TENM2: variants seen among roughly 807,000 people sequenced by gnomAD.
The protein encoded by TENM2 is teneurin transmembrane protein 2, also known as teneurin-2.
Under a neutral mutation model 245.2 loss-of-function variants are expected in TENM2, and 52 were observed. That is an observed-to-expected ratio of 0.21 (90% confidence interval 0.17 to 0.27). The LOEUF (loss-of-function observed/expected upper bound fraction) is 0.27, where lower values mean the gene tolerates loss of function less well. Ranked by LOEUF, TENM2 falls within the 10% of genes least tolerant of loss-of-function variation. The pLI is 1.00. For missense variants in TENM2, 3,046 were observed against 3,666.8 expected (o/e 0.83, Z 4.37); for synonymous variants, 1,363 against 1,438.9 (o/e 0.95, Z 1.19).
chr5:167,944,736 T>C (rs1396833742), intron 3 of TENM2, among the ~76,000 whole-genome samples: 2 of 152,188 alleles, frequency 1.3e-5, no homozygotes, highest in Non-Finnish European at 2.9e-5. Flanking sequence ...GTGATGAAAA[T>C]GTTCTAAAAT....
At chr5:167,353,137 A>ATC (rs1269129204) in intron 1 of TENM2, among the ~76,000 whole-genome samples, 2 of 152,194 alleles carry the variant, frequency 1.3e-5, no homozygotes, top group Admixed American at 1.3e-4. Flanking sequence ...CATGCCTCTA[A>ATC]TCTGTGAAAT....
At chr5:167,605,020 C>T (rs149785716) in intron 2 of TENM2, among the ~76,000 whole-genome samples, 1 of 152,126 alleles carries the variant, frequency 6.6e-6, no homozygotes, top group Admixed American at 6.5e-5. Context: ...AGGCACGAGG[C>T]AAGGTGTGTT....
At chr5:167,765,386 C>T (rs751805852) in intron 2 of TENM2, among the ~76,000 whole-genome samples, 32 of 151,936 alleles carry the variant, frequency 2.1e-4, no homozygotes, top group Non-Finnish European at 3.1e-4. Context: ...CTATCCATAA[C>T]GAGGAACATG....
chr5:167,020,174 G>T, the TENM2 span, among the ~76,000 whole-genome samples: 1 of 152,086 alleles, frequency 6.6e-6, no homozygotes, highest in Non-Finnish European at 1.5e-5. Context: ...CTAAAATTTT[G>T]CTCACAAACA....
intron 2 of TENM2, among the ~76,000 whole-genome samples, chr5:167,636,861 A>C (rs1327308589): frequency 1.3e-5 from 2 of 152,222 alleles, no homozygotes; most frequent in African/African-American, 4.8e-5. Context: ...GCTATGTTTG[A>C]GGCCCTATGC....
At chr5:167,452,585 G>A (rs1765648485) in intron 2 of TENM2, among the ~76,000 whole-genome samples, 1 of 152,060 alleles carries the variant, frequency 6.6e-6, no homozygotes, top group African/African-American at 2.4e-5. Flanking sequence ...AGAACTGAAT[G>A]TATGTCTTTC....
At chr5:167,486,368 G>A (rs956693001) in intron 2 of TENM2, among the ~76,000 whole-genome samples, 3 of 142,394 alleles carry the variant, frequency 2.1e-5, no homozygotes, top group Non-Finnish European at 3.0e-5. Context: ...TCACTCTGTC[G>A]CCCAGGCTGG....
the TENM2 span, among the ~76,000 whole-genome samples, chr5:167,136,283 G>A: frequency 4.6e-5 from 7 of 152,224 alleles, no homozygotes; most frequent in African/African-American, 1.4e-4. Context: ...TCAACAAATT[G>A]CTATCGATGC....
rs1562071967 is a variant in TENM2, at chr5:168,030,168, T to TTTTTTTTTTTTTTTC, written c.1187-17245_1187-17244insCTTTTTTTTTTTTTT. Among the ~76,000 whole-genome samples, 552 of 84,666 alleles carry TTTTTTTTTTTTTTTC rather than the reference T, an allele frequency of 6.5e-3. 28 individuals carry two copies. The highest frequency in any genetic ancestry group is 9.7e-3 in the South Asian group (20 of 2,070). 55.5% of individuals were successfully genotyped at this position (84,666 alleles called of 152,430 possible). A position where few individuals can be genotyped will look rare whatever the true frequency, so the allele number is the denominator to read the frequency against. ...AGTCTGGTTCTGGCTCTTTTTTTTT[T>TTTTTTTTTTTTTTTC]TTTTTTTTTTTTTTTTTTTCATCTT... On this transcript the variant is annotated intron_variant, in intron 5 of 28. Transcript: ENST00000518659.
At chr5:167,193,503 G>T in the TENM2 span, among the ~76,000 whole-genome samples, 1 of 152,066 alleles carries the variant, frequency 6.6e-6, no homozygotes, top group Admixed American at 6.6e-5. Context: ...AGAAAGGGCA[G>T]GGTGGGGTGG....
intron 2 of TENM2, among the ~76,000 whole-genome samples, chr5:167,819,598 A>G (rs1767339704): frequency 6.6e-6 from 1 of 152,202 alleles, no homozygotes; most frequent in Non-Finnish European, 1.5e-5. Context: ...GGGGAATTTC[A>G]TAGCCTTCTG....
At chr5:167,008,771 C>T in the TENM2 span, among the ~76,000 whole-genome samples, 2 of 151,994 alleles carry the variant, frequency 1.3e-5, no homozygotes, top group East Asian at 1.9e-4. Context: ...GTTTGGGAAC[C>T]GTGCCTGTGC....
the TENM2 span, among the ~76,000 whole-genome samples, chr5:167,072,379 C>T: frequency 1.3e-5 from 2 of 152,102 alleles, no homozygotes; most frequent in Non-Finnish European, 2.9e-5. Context: ...CTGGGTGTAG[C>T]TTAGTTTGAT....
intron 4 of TENM2, among the ~76,000 whole-genome samples, chr5:167,955,721 G>A (rs959988421): frequency 6.6e-6 from 1 of 152,186 alleles, no homozygotes; most frequent in Non-Finnish European, 1.5e-5. Context: ...TTATTAAATA[G>A]GGAATCCTTT....
chr5:167,599,362 TA>T (rs1420259469), intron 2 of TENM2, among the ~76,000 whole-genome samples: 2 of 152,160 alleles, frequency 1.3e-5, no homozygotes, highest in Non-Finnish European at 2.9e-5. Context: ...ATTTTTTTTT[TA>T]CAAAACCACC....
intron 1 of TENM2, among the ~76,000 whole-genome samples, chr5:167,373,354 C>G (rs559619122): frequency 2.6e-5 from 4 of 152,240 alleles, no homozygotes; most frequent in Non-Finnish European, 5.9e-5. Context: ...CATAGAGTGT[C>G]AAGTTACATC....
At chr5:167,126,306 G>A in the TENM2 span, among the ~76,000 whole-genome samples, 1 of 152,142 alleles carries the variant, frequency 6.6e-6, no homozygotes, top group Non-Finnish European at 1.5e-5. Flanking sequence ...AGAAGGAGGT[G>A]TCTCAGCCAG....
the TENM2 span, among the ~76,000 whole-genome samples, chr5:167,101,471 T>C: frequency 6.6e-6 from 1 of 152,102 alleles, no homozygotes; most frequent in African/African-American, 2.4e-5. Flanking sequence ...CAATGGTGTC[T>C]TCCATCCTAC....
the TENM2 span, among the ~76,000 whole-genome samples, chr5:167,120,183 C>A: frequency 6.6e-6 from 1 of 151,964 alleles, no homozygotes; most frequent in African/African-American, 2.4e-5. Context: ...GTAGGTGATT[C>A]CTTGAAAGGG....
Sources: allele counts gnomAD v4.1 joint callset (sites outside exome capture counted in the v4.1 genomes callset), GRCh38; gene constraint gnomAD v4.1.1; transcripts MANE v1.5; gene names NCBI Gene and HGNC (gene_info 2026-07-23, HGNC 2026-07-21).